PAPPA: variants seen among roughly 807,000 people sequenced by gnomAD.
The protein encoded by PAPPA is pappalysin-1.
A neutral mutation model predicts 164.0 loss-of-function variants in PAPPA; 60 were observed. That is an observed-to-expected ratio of 0.37 (90% CI 0.30 to 0.45). The LOEUF (loss-of-function observed/expected upper bound fraction) is 0.45. Ranked by LOEUF, PAPPA falls within the 20% of genes least tolerant of loss-of-function variation. The pLI, the probability that PAPPA is intolerant of heterozygous loss-of-function variation, is 1.00. For synonymous variants in PAPPA, 875 were observed against 814.1 expected (o/e 1.07, Z -1.27); for missense variants, 1,782 against 2,087.3 (o/e 0.85, Z 2.85).
intron 1 of PAPPA, among the ~76,000 whole-genome samples, chr9:116,172,670 T>A (rs1221690765): frequency 6.6e-6 from 1 of 152,232 alleles, no homozygotes; most frequent in Non-Finnish European, 1.5e-5. Context: ...ACAGTGTTCT[T>A]GGCCTCCTCC....
At chr9:116,272,570 A>G (rs1019077766) in intron 9 of PAPPA, among the ~76,000 whole-genome samples, 2 of 152,160 alleles carry the variant, frequency 1.3e-5, no homozygotes, top group Non-Finnish European at 2.9e-5. Context: ...AGCACCTACT[A>G]TCTTCTTGGC....
chr9:116,237,286 G>A (rs1170473106), intron 7 of PAPPA, among the ~76,000 whole-genome samples: 2 of 152,210 alleles, frequency 1.3e-5, no homozygotes, highest in African/African-American at 4.8e-5. Context: ...CTTGGTTTGT[G>A]TTTGAGAATG....
Position 116,352,853 on chromosome 9 carries a change from C to T in PAPPA, c.4112C>T (p.Ser1371Phe), listed in dbSNP as rs758235819. The T allele has an allele frequency of 3.1e-6, 5 of 1,614,144 alleles. No individual in the cohort carries two copies. Among genetic ancestry groups the T allele is most frequent in the Non-Finnish European group, 3.4e-6 (4 of 1,180,024 alleles). Residue 1371 changes from serine to phenylalanine, a missense_variant, in exon 16 of 22, where the codon TCC becomes TTC. By Grantham distance (155) the Ser-to-Phe change is radical. This residue lies in a region of PAPPA where 1,324 missense variants were observed against 1,656.9 expected (regional missense o/e 0.80). Coordinates refer to ENST00000328252, the MANE Select transcript of PAPPA (RefSeq NM_002581.5). ...RCRENKHKVG[S>F]FCKYKCKPGY... ...CGAGAGAATAAGCACAAGGTGGGCT[C>T]CTTCTGCAAATACAAATGCAAGCCT...
rs747032141 is a variant in PAPPA, at chr9:116,211,837, A to T, written c.1823A>T (p.Lys608Ile). ...TGCAATGATACCAACCCAGCCCCTA[A>T]ACACAAGTCCTGTGGTGACCCAGGG... ...DLCNDTNPAP[K>I]HKSCGDPGPG... The change falls in exon 4 of 22, where the codon AAA (lysine) becomes ATA (isoleucine). Residue 608 changes from lysine to isoleucine, a missense_variant. By Grantham distance (102) the Lys-to-Ile change is moderately radical. This residue lies in a region of PAPPA where 1,324 missense variants were observed against 1,656.9 expected (regional missense o/e 0.80). Coordinates refer to ENST00000328252, the MANE Select transcript of PAPPA (RefSeq NM_002581.5). The T allele has an allele frequency of 6.2e-7, 1 of 1,614,032 alleles. No individual in the cohort carries two copies. Among genetic ancestry groups the T allele is most frequent in the Non-Finnish European group, 8.5e-7 (1 of 1,179,962 alleles).
intron 7 of PAPPA, among the ~76,000 whole-genome samples, chr9:116,246,827 C>T (rs1196743838): frequency 2.6e-5 from 4 of 152,140 alleles, no homozygotes; most frequent in Non-Finnish European, 5.9e-5. Context: ...CCAGCCTGGA[C>T]AGCATAGAAA....
In PAPPA at chr9:116,154,675, G is replaced by C; in HGVS notation, c.415+88G>C. ...CTGGGCGCGGGTGGCGGGCGGGTCGGGGGCTTGCGGGCGTGTCTGTGCGAG... is the reference window on the plus strand; with the variant it reads ...CTGGGCGCGGGTGGCGGGCGGGTCGCGGGCTTGCGGGCGTGTCTGTGCGAG... On this transcript the variant is annotated intron_variant, in intron 1 of 21. Transcript: ENST00000328252. The surrounding 1 kb of genome is among the most constrained non-coding windows in gnomAD (Gnocchi z 5.2). 1 of 1,239,984 alleles carries C rather than the reference G, an allele frequency of 8.1e-7. No homozygotes were observed. The highest frequency in any genetic ancestry group is 3.2e-5 in the East Asian group (1 of 31,316). 76.8% of individuals were successfully genotyped at this position (1,239,984 alleles called of 1,614,324 possible). A position where few individuals can be genotyped will look rare whatever the true frequency, so the allele number is the denominator to read the frequency against.
intron 7 of PAPPA, among the ~76,000 whole-genome samples, chr9:116,250,302 A>G (rs898247979): frequency 6.6e-6 from 1 of 152,130 alleles, no homozygotes; most frequent in African/African-American, 2.4e-5. Flanking sequence ...TTCCATTCTG[A>G]TGCTAGCTTT....
chr9:116,310,197 C>T (rs1368440988), intron 10 of PAPPA, among the ~76,000 whole-genome samples: 1 of 152,186 alleles, frequency 6.6e-6, no homozygotes, highest in Non-Finnish European at 1.5e-5. Context: ...CCCTTCCTTG[C>T]CTGCTCTGCC....
intron 1 of PAPPA, among the ~76,000 whole-genome samples, chr9:116,183,232 G>C (rs946664601): frequency 6.6e-6 from 1 of 152,166 alleles, no homozygotes; most frequent in African/African-American, 2.4e-5. Context: ...GAGATCCTCA[G>C]AGGAGACAGA....
intron 4 of PAPPA, among the ~76,000 whole-genome samples, chr9:116,213,075 G>C (rs569351753): frequency 6.6e-6 from 1 of 152,124 alleles, no homozygotes; most frequent in Admixed American, 6.5e-5. Flanking sequence ...GAGCAACCTG[G>C]GTGGCTTTTA....
Position 116,347,633 on chromosome 9 carries a change from G to T in PAPPA, c.3964+424G>T, listed in dbSNP as rs1396477789. 3.9e-5 allele frequency among the ~76,000 whole-genome samples: 6 copies of T among 152,148 alleles called. No individual in the cohort carries two copies. In the East Asian group the frequency reaches 1.2e-3, roughly 29 times the overall value. ...CAGATGAGGAAACCAAGCCTCAGAGGGTTTAAAGAACTTGCCCAAGGCTGC... is the reference window on the plus strand; with the variant it reads ...CAGATGAGGAAACCAAGCCTCAGAGTGTTTAAAGAACTTGCCCAAGGCTGC... On this transcript the variant is annotated intron_variant, in intron 15 of 21. Transcript: ENST00000328252. The surrounding 1 kb of genome is among the most constrained non-coding windows in gnomAD (Gnocchi z 4.5).
chr9:116,249,480 G>GTC (rs1460238391), intron 7 of PAPPA, among the ~76,000 whole-genome samples: 1 of 152,166 alleles, frequency 6.6e-6, no homozygotes, highest in Admixed American at 6.5e-5. Context: ...GCCATTGAGT[G>GTC]TCTGTAAGGT....
intron 13 of PAPPA, among the ~76,000 whole-genome samples, chr9:116,341,971 C>A (rs564044415): frequency 6.6e-6 from 1 of 152,336 alleles, no homozygotes; most frequent in East Asian, 1.9e-4. Context: ...GAAAACGAAG[C>A]ATTTCAGATC....
At position 116,332,338 on chromosome 9, in the gene PAPPA, T is replaced by C. The variant is rs1372800513; in HGVS notation, c.3267T>C (p.Tyr1089=). ...LAQTTFWLRA[Y]FSQPMVAAAV... ...CTACGTCTTCACAATTTCAGGCGTA[T>C]TTTTCTCAACCAATGGTTGCCGCAG... Residue 1089 remains tyrosine (Y), a synonymous_variant, in exon 12 of 22, where the codon TAT becomes TAC. Transcript: ENST00000328252. 1.2e-6 allele frequency: 2 copies of C among 1,612,858 alleles called. No individual in the cohort carries two copies. The highest frequency in any genetic ancestry group is 3.3e-5 in the Admixed American group (2 of 60,006).
intron 21 of PAPPA, among the ~76,000 whole-genome samples, chr9:116,393,935 A>G (rs1383405448): frequency 1.3e-5 from 2 of 152,212 alleles, no homozygotes; most frequent in East Asian, 3.9e-4. Flanking sequence ...TTTGGATTTT[A>G]TTCTAAGACA....
chr9:116,158,941 T>C (rs1175314634), intron 1 of PAPPA, among the ~76,000 whole-genome samples: 1 of 152,208 alleles, frequency 6.6e-6, no homozygotes. Flanking sequence ...AGCAGTCTTT[T>C]TGGAGAGAGA....
chr9:116,169,961 C>A (rs940458005), intron 1 of PAPPA, among the ~76,000 whole-genome samples: 3 of 151,880 alleles, frequency 2.0e-5, no homozygotes, highest in Admixed American at 2.0e-4. Context: ...CTTATGAATA[C>A]GAGTACCAAG....
Position 116,154,188 on chromosome 9 carries a change from TG to T in PAPPA, c.19del (p.Val7CysfsTer7). On this transcript the variant is annotated frameshift_variant, in exon 1 of 22. Transcript: ENST00000328252. LOFTEE classifies it high-confidence loss of function. This position sits in a 1 kb window ranked among gnomAD's most constrained non-coding sequence, Gnocchi z 5.2. The part of the protein sequence containing the change: MRLWS[W>X]VLHLGLLSAA... ...ACCGTCGGACATGCGGCTCTGGAGT[TG>T]GGTGCTGCACCTGGGGCTGCTGAGC... is the stretch of plus-strand genomic sequence containing the variant. 6.7e-7 allele frequency: 1 copy of T among 1,482,304 alleles called. No homozygotes were observed. The highest frequency in any genetic ancestry group is 2.0e-5 in the Admixed American group (1 of 49,020). The allele number at this position is 1,482,304 out of a possible 1,614,324, so 91.8% of individuals were successfully genotyped here. A position where few individuals can be genotyped will look rare whatever the true frequency, so the allele number is the denominator to read the frequency against.
chr9:116,154,773 C>T lies in PAPPA; in HGVS notation c.415+186C>T, dbSNP rs1398737917. ...CACTTTGCTCCATCGGTGGAATGGG[C>T]ACACTCGGAAGGCGTAGCTGCTCCA... On this transcript the variant is annotated intron_variant, in intron 1 of 21. Coordinates refer to ENST00000328252, the MANE Select transcript of PAPPA (RefSeq NM_002581.5). This position sits in a 1 kb window ranked among gnomAD's most constrained non-coding sequence, Gnocchi z 5.2. 6.6e-6 allele frequency among the ~76,000 whole-genome samples: 1 copy of T among 152,156 alleles called. No homozygotes were observed. The highest frequency in any genetic ancestry group is 1.9e-4 in the East Asian group (1 of 5,138).
Sources: gnomAD v4.1 joint callset for allele counts (sites outside exome capture counted in the v4.1 genomes callset) on GRCh38, gnomAD v4.1.1 for gene constraint, gnomAD v4.1.1 regional missense constraint, Gnocchi (gnomAD v3.1) non-coding constraint, MANE v1.5 for transcripts, NCBI Gene and HGNC (gene_info 2026-07-23, HGNC 2026-07-21) for gene names.